The following VSNL1 variants were observed in gnomAD, a reference collection of about 807,000 sequenced individuals.
VSNL1 encodes the protein visinin like 1.
Under a neutral mutation model 20.4 loss-of-function variants are expected in VSNL1, and 6 were observed. The ratio of observed to expected loss-of-function variants is 0.29; its 90% CI spans 0.16 to 0.58. The LOEUF (loss-of-function observed/expected upper bound fraction) is 0.58, where lower values mean the gene tolerates loss of function less well. VSNL1 is among the 20% of genes least tolerant of loss of function. The pLI is 0.90. For missense variants in VSNL1, 100 were observed against 234.5 expected (o/e 0.43, Z 3.75); for synonymous variants, 93 against 86.4 (o/e 1.08, Z -0.42).
intron 1 of VSNL1, among the ~76,000 whole-genome samples, chr2:17,587,920 G>T (rs1002808035): frequency 5.9e-5 from 9 of 152,160 alleles, no homozygotes; most frequent in African/African-American, 2.2e-4. Flanking sequence ...GTAAATTAGT[G>T]TACAAAAGTG....
chr2:17,649,777 GC>G lies in VSNL1; in HGVS notation c.378+153del. 1.3e-6 allele frequency: 1 copy of G among 766,522 alleles called. No homozygotes were observed. 47.5% of individuals were successfully genotyped at this position (766,522 alleles called of 1,614,324 possible). On this transcript the variant is annotated intron_variant, in intron 3 of 3. Transcript: ENST00000295156. This position sits in a 1 kb window ranked among gnomAD's most constrained non-coding sequence, Gnocchi z 6.4. ...GACTTCTCCTGCTTCTGTCCCCGCT[GC>G]AGCACAGTGCTGGGGAGGTCCCAGA...
chr2:17,558,679 A>G (rs1663742897), intron 1 of VSNL1, among the ~76,000 whole-genome samples: 1 of 152,198 alleles, frequency 6.6e-6, no homozygotes, highest in Non-Finnish European at 1.5e-5. Flanking sequence ...TAGTCAATAC[A>G]CAGCTATTAT....
chr2:17,648,715 G>T (rs765478244), intron 2 of VSNL1, among the ~76,000 whole-genome samples: 1 of 152,128 alleles, frequency 6.6e-6, no homozygotes, highest in Non-Finnish European at 1.5e-5. Context: ...CCTCCTTGTG[G>T]TCTATGCTTC....
At chr2:17,570,105 T>TC (rs1165119546) in intron 1 of VSNL1, among the ~76,000 whole-genome samples, 3 of 152,236 alleles carry the variant, frequency 2.0e-5, no homozygotes, top group African/African-American at 7.2e-5. Context: ...CTGGTAGTTT[T>TC]CTTCATGAAA....
intron 2 of VSNL1, among the ~76,000 whole-genome samples, chr2:17,633,760 T>C (rs1665690585): frequency 6.6e-6 from 1 of 151,872 alleles, no homozygotes; most frequent in Non-Finnish European, 1.5e-5. Context: ...CGATACAGGG[T>C]ATTGTCATTG....
chr2:17,580,306 C>T (rs886295679), intron 1 of VSNL1, among the ~76,000 whole-genome samples: 2 of 152,184 alleles, frequency 1.3e-5, no homozygotes, highest in African/African-American at 4.8e-5. Context: ...CCTTGGGGAA[C>T]ATTAACATCT....
At chr2:17,596,535 C>G (rs1023192510) in intron 2 of VSNL1, among the ~76,000 whole-genome samples, 4 of 152,022 alleles carry the variant, frequency 2.6e-5, no homozygotes, top group African/African-American at 9.7e-5. Context: ...CCAGGGTCCT[C>G]TACCTTGGAG....
chr2:17,650,637 CCAAGAGCTGAGAT>C (rs1666104133), intron 3 of VSNL1, among the ~76,000 whole-genome samples: 2 of 152,338 alleles, frequency 1.3e-5, no homozygotes, highest in South Asian at 4.1e-4. Flanking sequence ...CATCCAGACA[CCAAGAGCTGAGAT>C]CAGGCAGGGT....
intron 1 of VSNL1, among the ~76,000 whole-genome samples, chr2:17,564,551 A>G (rs1663893462): frequency 6.6e-6 from 1 of 152,118 alleles, no homozygotes; most frequent in Non-Finnish European, 1.5e-5. Context: ...GATGACTCAA[A>G]GTGTTACTCC....
intron 2 of VSNL1, among the ~76,000 whole-genome samples, chr2:17,612,482 A>G (rs568763151): frequency 4.6e-5 from 7 of 152,360 alleles, no homozygotes; most frequent in Admixed American, 1.3e-4. Flanking sequence ...ATTCAGTTCC[A>G]TCAAACCTTA....
At chr2:17,619,263 CT>C (rs1157278363) in intron 2 of VSNL1, among the ~76,000 whole-genome samples, 1 of 152,176 alleles carries the variant, frequency 6.6e-6, no homozygotes, top group Non-Finnish European at 1.5e-5. Flanking sequence ...ATTCTTCCTT[CT>C]TTTATCTGTC....
chr2:17,571,831 TA>T (rs1339517328), intron 1 of VSNL1, among the ~76,000 whole-genome samples: 1 of 152,158 alleles, frequency 6.6e-6, no homozygotes, highest in African/African-American at 2.4e-5. Flanking sequence ...CTAGTTGAAA[TA>T]GGCCAGAAAG....
chr2:17,607,210 A>C (rs1000729945), intron 2 of VSNL1, among the ~76,000 whole-genome samples: 4 of 152,182 alleles, frequency 2.6e-5, no homozygotes, highest in Non-Finnish European at 4.4e-5. Context: ...GAACTTGGTG[A>C]GGACTGTTGC....
At chr2:17,581,111 A>C (rs1664340018) in intron 1 of VSNL1, among the ~76,000 whole-genome samples, 2 of 152,176 alleles carry the variant, frequency 1.3e-5, no homozygotes, top group African/African-American at 4.8e-5. Flanking sequence ...TTACAATATT[A>C]TCTCTCCTTT....
At chr2:17,647,839 T>C (rs989090456) in intron 2 of VSNL1, among the ~76,000 whole-genome samples, 2 of 152,132 alleles carry the variant, frequency 1.3e-5, no homozygotes, top group Non-Finnish European at 2.9e-5. Context: ...TATTGCTCTC[T>C]GAGTCCATAG....
chr2:17,610,070 G>T (rs942125673), intron 2 of VSNL1, among the ~76,000 whole-genome samples: 6 of 152,206 alleles, frequency 3.9e-5, no homozygotes, highest in Admixed American at 3.9e-4. Flanking sequence ...GCCAGCAGGG[G>T]CATCAGGCAG....
chr2:17,649,736 C>A lies in VSNL1; in HGVS notation c.378+111C>A. On this transcript the variant is annotated intron_variant, in intron 3 of 3. Coordinates refer to ENST00000295156, the MANE Select transcript of VSNL1 (RefSeq NM_003385.5). The surrounding 1 kb of genome is among the most constrained non-coding windows in gnomAD (Gnocchi z 6.4). ...TCTCTCTCTGCTCGAGCCCTGCCAG[C>A]TGCACACCACGCCTGGACTTCTCCT... 2 of 991,682 alleles carry A rather than the reference C, an allele frequency of 2.0e-6. No homozygotes were observed. The highest frequency in any genetic ancestry group is 1.5e-6 in the Non-Finnish European group (1 of 659,776). 61.4% of individuals were successfully genotyped at this position (991,682 alleles called of 1,614,324 possible). A position where few individuals can be genotyped will look rare whatever the true frequency, so the allele number is the denominator to read the frequency against.
At chr2:17,542,749 G>C (rs1663315293) in intron 1 of VSNL1, among the ~76,000 whole-genome samples, 1 of 151,994 alleles carries the variant, frequency 6.6e-6, no homozygotes, top group Admixed American at 6.5e-5. Context: ...AAAGAGGGGT[G>C]GTAGAGGAAA....
At chr2:17,644,953 A>G (rs1279922239) in intron 2 of VSNL1, among the ~76,000 whole-genome samples, 2 of 152,238 alleles carry the variant, frequency 1.3e-5, no homozygotes, top group African/African-American at 2.4e-5. Context: ...GAAATTTGAG[A>G]ACAAAAGAAA....
Sources: allele counts gnomAD v4.1 joint callset (sites outside exome capture counted in the v4.1 genomes callset), GRCh38; gene constraint gnomAD v4.1.1; non-coding constraint Gnocchi (gnomAD v3.1); transcripts MANE v1.5; gene names NCBI Gene and HGNC (gene_info 2026-07-23, HGNC 2026-07-21).